Variants in FGL1 observed in about 807,000 individuals in gnomAD.
The protein encoded by FGL1 is fibrinogen like 1, also known as fibrinogen-like protein 1.
FGL1 carries 59 observed loss-of-function variants against 43.7 expected under a neutral mutation model. That is an observed-to-expected ratio of 1.35 (90% CI 1.10 to 1.68). FGL1 has a LOEUF of 1.68. Ranked by LOEUF, FGL1 falls within the 40% of genes most tolerant of loss-of-function variation. FGL1 has a pLI of 0.00. For synonymous variants in FGL1, 192 were observed against 126.5 expected, an observed-to-expected ratio of 1.52 and a Z score of -3.48; for missense variants, 596 against 373.0, an observed-to-expected ratio of 1.60 and a Z score of -4.92.
rs372421521 is a variant in FGL1, at chr8:17,868,952, A to T, written c.555T>A (p.Tyr185Ter). 1.2e-6 allele frequency: 2 copies of T among 1,607,260 alleles called. No homozygotes were observed. The highest frequency in any genetic ancestry group is 1.7e-6 in the Non-Finnish European group (2 of 1,177,954). ...CAACTTTGAAATTCTTATATTGTGC[A>T]TAACGGCTATTTTTTTCAAAATCTG... ...DLADFEKNSRYAQYKNFKVGD... is the reference protein window; with the variant it reads ...DLADFEKNSR Residue 185 changes from tyrosine (Y) to a stop codon, truncating the protein, a stop_gained, in exon 6 of 8, where the codon TAT becomes TAA. Transcript: ENST00000427924. LOFTEE classifies it high-confidence loss of function.
Position 17,864,524 on chromosome 8 carries a change from A to G in FGL1, c.*68T>C. On this transcript the variant is annotated 3_prime_UTR_variant, in exon 8 of 8. Coordinates refer to ENST00000427924, the MANE Select transcript of FGL1 (RefSeq NM_004467.4). Reference sequence around the variant, plus strand: ...ATCATGATTGCGCATGGATATGTTCAGAATGAGTATTTTTCAAATCACTTT... The same window carrying G: ...ATCATGATTGCGCATGGATATGTTCGGAATGAGTATTTTTCAAATCACTTT... 2 of 1,503,594 alleles carry G rather than the reference A, an allele frequency of 1.3e-6. No individual in the cohort carries two copies. The highest frequency in any genetic ancestry group is 2.6e-5 in the South Asian group (2 of 76,842). 93.1% of individuals were successfully genotyped at this position (1,503,594 alleles called of 1,614,324 possible).
At chr8:17,893,027 C>T (rs577845681) in intron 1 of FGL1, among the ~76,000 whole-genome samples, 6 of 152,024 alleles carry the variant, frequency 3.9e-5, no homozygotes, top group African/African-American at 7.2e-5. Context: ...GGCAAAACCC[C>T]GTCCCTACTA....
intron 2 of FGL1, 51 bp from the exon 3 acceptor site, chr8:17,882,230 C>G: frequency 6.7e-7 from 1 of 1,482,502 alleles, no homozygotes; most frequent in Non-Finnish European, 9.1e-7. Flanking sequence ...TCATGGAAAA[C>G]AAGTGCTTTT....
chr8:17,877,210 A>G (rs1243418287), intron 3 of FGL1, among the ~76,000 whole-genome samples: 1 of 152,192 alleles, frequency 6.6e-6, no homozygotes, highest in Non-Finnish European at 1.5e-5. Flanking sequence ...GCAAGGTTAA[A>G]GAGCTTTGTG....
intron 1 of FGL1, among the ~76,000 whole-genome samples, chr8:17,886,510 C>T (rs2053630374): frequency 6.6e-6 from 1 of 152,060 alleles, no homozygotes; most frequent in African/African-American, 2.4e-5. Flanking sequence ...GTAATCCCAG[C>T]ACTTTGGGAG....
intron 5 of FGL1, among the ~76,000 whole-genome samples, chr8:17,869,916 T>C (rs1258313359): frequency 2.6e-5 from 4 of 152,140 alleles, no homozygotes; most frequent in Non-Finnish European, 5.9e-5. Flanking sequence ...GAGACCATCC[T>C]GGCTAACACT....
At chr8:17,885,398 A>T in intron 2 of FGL1, 94 bp downstream of exon 2, 1 of 1,070,888 alleles carries the variant, frequency 9.3e-7, no homozygotes, top group Non-Finnish European at 1.4e-6. Flanking sequence ...AGTTTTTTCA[A>T]TGACAAGTCA....
intron 3 of FGL1, among the ~76,000 whole-genome samples, chr8:17,875,481 C>CTCTTTCTTTCTTTCTTTCTTCTTTCTT (rs2053430690): frequency 7.7e-6 from 1 of 129,766 alleles, no homozygotes; most frequent in Admixed American, 8.0e-5. Context: ...AAAGTGATAT[C>CTCTTTCTTTCTTTCTTTCTTCTTTCTT]TCTTTCTTTC....
intron 7 of FGL1, 156 bp downstream of exon 7, chr8:17,868,389 AACG>A (rs1390702828): frequency 6.0e-6 from 3 of 496,098 alleles, no homozygotes; most frequent in African/African-American, 2.0e-5. Context: ...AAATCCTCAA[AACG>A]ACTTCATTGC....
intron 3 of FGL1, among the ~76,000 whole-genome samples, chr8:17,881,345 C>T (rs1315776010): frequency 6.6e-6 from 1 of 151,674 alleles, no homozygotes; most frequent in Admixed American, 6.6e-5. Flanking sequence ...CCATATTGGC[C>T]AGGCTGGTCT....
intron 1 of FGL1, among the ~76,000 whole-genome samples, chr8:17,893,666 A>G (rs2053738357): frequency 6.8e-6 from 1 of 147,036 alleles, no homozygotes; most frequent in Non-Finnish European, 1.5e-5. Context: ...TATTACTTTG[A>G]TTAGCTTTAG....
chr8:17,888,450 T>G (rs765887787), intron 1 of FGL1, among the ~76,000 whole-genome samples: 4 of 152,246 alleles, frequency 2.6e-5, no homozygotes, highest in Non-Finnish European at 5.9e-5. Context: ...TCATTTGCAA[T>G]GCAGTAGTGT....
Position 17,882,944 on chromosome 8 carries a change from T to C in FGL1, c.64-765A>G, listed in dbSNP as rs1409811626. On this transcript the variant is annotated intron_variant, in intron 2 of 7. Transcript: ENST00000427924. ...TATATCTCATATATAATATATTAAA[T>C]AATATATAATATATATCATATATAA... 6.3e-5 allele frequency among the ~76,000 whole-genome samples: 6 copies of C among 94,836 alleles called. No homozygotes were observed. The East Asian group carries it at 1.4e-3, about 22-fold the overall frequency. The allele number at this position is 94,836 out of a possible 152,430, so 62.2% of individuals were successfully genotyped here.
At chr8:17,871,319 C>T (rs1447166196) in intron 5 of FGL1, among the ~76,000 whole-genome samples, 1 of 151,794 alleles carries the variant, frequency 6.6e-6, no homozygotes, top group East Asian at 1.9e-4. Context: ...ATGGTGAGAC[C>T]ACCGTCTCTA....
chr8:17,867,738 G>C (rs1394314881), intron 7 of FGL1, among the ~76,000 whole-genome samples: 3 of 152,194 alleles, frequency 2.0e-5, no homozygotes, highest in Non-Finnish European at 2.9e-5. Flanking sequence ...TGGGCAGAAA[G>C]AATCCAATGG....
At position 17,864,581 on chromosome 8, in the gene FGL1, A is replaced by T. The variant is rs756782923; in HGVS notation, c.*11T>A. 122 of 1,602,396 alleles carry T rather than the reference A, an allele frequency of 7.6e-5. 1 individual carries two copies. The South Asian group carries it at 1.3e-3, about 17-fold the overall frequency. ...AGCTGAATTGCAGAAACGAAAGCCC[A>T]ACAGCAGCAATTAAATTACATTTGG... On this transcript the variant is annotated 3_prime_UTR_variant, in exon 8 of 8. Transcript: ENST00000427924.
chr8:17,865,937 T>C (rs1203589247), intron 7 of FGL1, among the ~76,000 whole-genome samples: 2 of 152,214 alleles, frequency 1.3e-5, no homozygotes, highest in African/African-American at 4.8e-5. Context: ...CTAACTTAAA[T>C]GGACGTAATT....
intron 1 of FGL1, among the ~76,000 whole-genome samples, chr8:17,887,252 A>C (rs2131741146): frequency 6.6e-6 from 1 of 152,290 alleles, no homozygotes; most frequent in South Asian, 2.1e-4. Flanking sequence ...TCAGAGACTG[A>C]CATTGGAGGA....
At chr8:17,866,221 G>A (rs1375522872) in intron 7 of FGL1, among the ~76,000 whole-genome samples, 1 of 152,158 alleles carries the variant, frequency 6.6e-6, no homozygotes, top group South Asian at 2.1e-4. Flanking sequence ...TTTTAGAACA[G>A]CCTGGATTTG....
Sources: allele counts gnomAD v4.1 joint callset (sites outside exome capture counted in the v4.1 genomes callset), GRCh38; gene constraint gnomAD v4.1.1; transcripts MANE v1.5; gene names NCBI Gene and HGNC (gene_info 2026-07-23, HGNC 2026-07-21).